Variants in SSBP2 observed in about 807,000 individuals in gnomAD.
SSBP2 encodes the protein single stranded DNA binding protein 2.
In SSBP2, 17 loss-of-function variants were observed where a neutral mutation model predicts 61.8. That is an observed-to-expected ratio of 0.28 (90% CI 0.19 to 0.41). The LOEUF (loss-of-function observed/expected upper bound fraction) is 0.41. Among genes scored for constraint, SSBP2 ranks in the 10% least tolerant of loss-of-function variants. SSBP2 has a pLI of 1.00. For synonymous variants in SSBP2, 139 were observed against 141.3 expected (o/e 0.98, Z 0.12); for missense variants, 310 against 458.7 (o/e 0.68, Z 2.96).
At chr5:81,525,294 G>C (rs938855396) in intron 4 of SSBP2, among the ~76,000 whole-genome samples, 22 of 151,828 alleles carry the variant, frequency 1.4e-4, no homozygotes, top group African/African-American at 5.3e-4. Context: ...ACTAAGCCTA[G>C]TATCCAGTAG....
intron 4 of SSBP2, among the ~76,000 whole-genome samples, chr5:81,607,413 A>G (rs575757742): frequency 6.6e-6 from 1 of 152,264 alleles, no homozygotes; most frequent in East Asian, 1.9e-4. Flanking sequence ...ATATTTATTG[A>G]GTGCCAATTA....
chr5:81,525,931 A>T (rs1769897425), intron 4 of SSBP2, among the ~76,000 whole-genome samples: 1 of 152,078 alleles, frequency 6.6e-6, no homozygotes, highest in Non-Finnish European at 1.5e-5. Flanking sequence ...TTGTCACAGA[A>T]CAGATTACAA....
At position 81,714,095 on chromosome 5, in the gene SSBP2, TC is replaced by T. The variant is rs561884492; in HGVS notation, c.62+36885del. ...CCAACAGGCCCTGGTGTGTGGTGTT[TC>T]CCTCCCTGCGCCCATATGTTCTCAT... is the stretch of plus-strand genomic sequence containing the variant. On this transcript the variant is annotated intron_variant, in intron 1 of 16. Transcript: ENST00000320672. 5.8e-4 allele frequency among the ~76,000 whole-genome samples: 88 copies of T among 152,174 alleles called. 1 individual carries two copies. The South Asian group carries it at 7.3e-3, about 13-fold the overall frequency.
intron 16 of SSBP2, among the ~76,000 whole-genome samples, chr5:81,425,961 T>C (rs1251803513): frequency 1.3e-5 from 2 of 152,238 alleles, no homozygotes; most frequent in Non-Finnish European, 2.9e-5. Flanking sequence ...AGATAAAACC[T>C]GACAGATCCT....
chr5:81,556,167 T>C (rs1027626302), intron 4 of SSBP2, among the ~76,000 whole-genome samples: 2 of 152,220 alleles, frequency 1.3e-5, no homozygotes, highest in Admixed American at 6.5e-5. Context: ...GAAAGTTTCA[T>C]TTATTATCTT....
At chr5:81,587,095 T>C (rs972265930) in intron 4 of SSBP2, among the ~76,000 whole-genome samples, 4 of 152,196 alleles carry the variant, frequency 2.6e-5, no homozygotes, top group African/African-American at 9.7e-5. Context: ...TTGTTCTTTT[T>C]TTTGCTTAAT....
At chr5:81,725,392 G>C (rs1343293315) in intron 1 of SSBP2, among the ~76,000 whole-genome samples, 1 of 152,106 alleles carries the variant, frequency 6.6e-6, no homozygotes, top group African/African-American at 2.4e-5. Flanking sequence ...GAGGAAAAGA[G>C]AACTACTATG....
chr5:81,451,047 T>TG (rs1388013468), intron 10 of SSBP2, among the ~76,000 whole-genome samples: 1 of 152,154 alleles, frequency 6.6e-6, no homozygotes, highest in Non-Finnish European at 1.5e-5. Flanking sequence ...GTAAACTTCA[T>TG]GGGGGAAAAA....
At chr5:81,506,939 C>A (rs918138292) in intron 5 of SSBP2, among the ~76,000 whole-genome samples, 3 of 151,876 alleles carry the variant, frequency 2.0e-5, no homozygotes, top group Non-Finnish European at 4.4e-5. Context: ...ACACTTTGAG[C>A]TTTTTGTCCT....
intron 1 of SSBP2, among the ~76,000 whole-genome samples, chr5:81,736,051 G>T (rs1379649618): frequency 1.3e-5 from 2 of 151,882 alleles, no homozygotes; most frequent in African/African-American, 4.8e-5. Flanking sequence ...GCCTCAGGAT[G>T]AATTCATAAT....
At chr5:81,432,992 C>T (rs1762423128) in intron 15 of SSBP2, among the ~76,000 whole-genome samples, 1 of 138,310 alleles carries the variant, frequency 7.2e-6, no homozygotes, top group South Asian at 2.2e-4. Flanking sequence ...TGGGGGGGGT[C>T]AGACTCCCGC....
rs772406121 is a variant in SSBP2 at position 81,437,460 on chromosome 5, TG to T, written c.929-3del. On this transcript the variant is annotated splice_region_variant and splice_polypyrimidine_tract_variant and intron_variant, in intron 14 of 16. Transcript: ENST00000320672. ...AAATACTGTCCATATCTCCTGAGCC[TG>T]AAACAAAATATAAAAAGAAAGCCTT... is the stretch of plus-strand genomic sequence containing the variant. 1.2e-6 allele frequency: 2 copies of T among 1,603,296 alleles called. No homozygotes were observed. Among genetic ancestry groups the T allele is most frequent in the Non-Finnish European group, 1.7e-6 (2 of 1,176,724 alleles).
upstream of SSBP2, chr5:81,751,241 T>G: frequency 1.7e-6 from 1 of 601,180 alleles, no homozygotes; most frequent in East Asian, 2.9e-5. Context: ...AAGCGCGCGG[T>G]GGCGGCTAAG....
intron 4 of SSBP2, among the ~76,000 whole-genome samples, chr5:81,602,882 ATCT>A (rs373577187): frequency 1.1e-4 from 16 of 152,126 alleles, no homozygotes; most frequent in African/African-American, 3.9e-4. Context: ...GATAACAGAG[ATCT>A]TCTTACTTCC....
intron 4 of SSBP2, among the ~76,000 whole-genome samples, chr5:81,554,332 G>C (rs948886905): frequency 6.6e-5 from 10 of 151,606 alleles, no homozygotes; most frequent in African/African-American, 2.4e-4. Context: ...GCCTATTACT[G>C]ACATTCTTTC....
intron 1 of SSBP2, among the ~76,000 whole-genome samples, chr5:81,708,722 C>T (rs1385081728): frequency 6.6e-6 from 1 of 151,912 alleles, no homozygotes; most frequent in African/African-American, 2.4e-5. Flanking sequence ...TATGTATGGG[C>T]AATGTGTCCC....
At chr5:81,484,881 A>G (rs1766268394) in intron 6 of SSBP2, among the ~76,000 whole-genome samples, 1 of 152,200 alleles carries the variant, frequency 6.6e-6, no homozygotes, top group South Asian at 2.1e-4. Flanking sequence ...TGGGCAACAG[A>G]ATTAACAATG....
intron 1 of SSBP2, among the ~76,000 whole-genome samples, chr5:81,729,184 C>G (rs1321456138): frequency 6.6e-6 from 1 of 152,078 alleles, no homozygotes; most frequent in Non-Finnish European, 1.5e-5. Context: ...ATGCTGTCCT[C>G]AATTTCTCAA....
At chr5:81,584,501 CA>C (rs1375569597) in intron 4 of SSBP2, among the ~76,000 whole-genome samples, 1 of 152,062 alleles carries the variant, frequency 6.6e-6, no homozygotes, top group Non-Finnish European at 1.5e-5. Context: ...TGCAAGAGAA[CA>C]AAATACAGCA....
Sources: allele counts gnomAD v4.1 joint callset (sites outside exome capture counted in the v4.1 genomes callset), GRCh38; gene constraint gnomAD v4.1.1; transcripts MANE v1.5; gene names NCBI Gene and HGNC (gene_info 2026-07-23, HGNC 2026-07-21).